The following PACS2 variants were observed in gnomAD, a reference collection of about 807,000 sequenced individuals.
The protein encoded by PACS2 is PACS1-like protein.
In PACS2, 36 loss-of-function variants were observed where a neutral mutation model predicts 113.0. The observed-to-expected ratio is 0.32, with a 90% CI of 0.24 to 0.42. PACS2 has a LOEUF of 0.42. Among genes scored for constraint, PACS2 ranks in the 10% least tolerant of loss-of-function variants. The probability of loss-of-function intolerance (pLI) is 1.00; values close to 1 mark genes in which losing one functional copy is unlikely to be tolerated. For synonymous variants in PACS2, 589 were observed against 536.1 expected (o/e 1.10, Z -1.36); for missense variants, 1,015 against 1,239.5 (o/e 0.82, Z 2.72).
chr14:105,354,391 C>T lies in PACS2; in HGVS notation c.298-661C>T, dbSNP rs750770266. On this transcript the variant is annotated intron_variant, in intron 3 of 24. Coordinates refer to ENST00000447393, the MANE Select transcript of PACS2 (RefSeq NM_001100913.3). This position sits in a 1 kb window ranked among gnomAD's most constrained non-coding sequence, Gnocchi z 4.2. ...TGCCGGGATTACAGGTGTGAGCCAC[C>T]GCGCCTGGCCCAATGCTCCATGGTT... 2.4e-4 allele frequency among the ~76,000 whole-genome samples: 36 copies of T among 152,294 alleles called. No individual in the cohort carries two copies. Among genetic ancestry groups the T allele is most frequent in the Non-Finnish European group, 4.6e-4 (31 of 68,030 alleles).
In PACS2 at chr14:105,376,939, G is replaced by T; in HGVS notation, c.959+14G>T. The T allele has an allele frequency of 6.3e-7, 1 of 1,584,342 alleles. No individual in the cohort carries two copies. The highest frequency in any genetic ancestry group is 8.6e-7 in the Non-Finnish European group (1 of 1,163,630). On this transcript the variant is annotated intron_variant, in intron 9 of 24. Coordinates refer to ENST00000447393, the MANE Select transcript of PACS2 (RefSeq NM_001100913.3). This position sits in a 1 kb window ranked among gnomAD's most constrained non-coding sequence, Gnocchi z 4.7. ...GCCGAAGCTGCGGTGAGCCCTACAG[G>T]GCGGGGCGGGGAGGAACAGCCATTT... is the stretch of plus-strand genomic sequence containing the variant.
At position 105,369,804 on chromosome 14, in the gene PACS2, T is replaced by C. The variant is rs10141334; in HGVS notation, c.742-37T>C. 0.026 allele frequency: 40,124 copies of C among 1,525,180 alleles called. 8,379 individuals are homozygous for C. In the African/African-American group the frequency reaches 0.47, roughly 18 times the overall value. The allele number at this position is 1,525,180 out of a possible 1,614,324, so 94.5% of individuals were successfully genotyped here. Reference sequence around the variant, plus strand: ...GGCTCCAGCGGCGGGTCTGCAGCTCTGGCGGCGGCTCTGACTCTGCACCGC... The same window carrying C: ...GGCTCCAGCGGCGGGTCTGCAGCTCCGGCGGCGGCTCTGACTCTGCACCGC... On this transcript the variant is annotated intron_variant, in intron 7 of 24. Transcript: ENST00000447393.
chr14:105,314,943 C>G lies in PACS2; in HGVS notation c.25C>G (p.Leu9Val). MAERGRLG[L>V]PGAPGALNTP... ...CATGGCCGAGCGAGGCCGCCTCGGC[C>G]TCCCCGGCGCGCCCGGCGCGCTCAA... The change falls in exon 1 of 25, where the codon CTC (leucine) becomes GTC (valine). Residue 9 changes from leucine (L) to valine (V), a missense_variant. By Grantham distance (32) the Leu-to-Val change is conservative. Transcript: ENST00000447393. 8.6e-7 allele frequency: 1 copy of G among 1,160,626 alleles called. No homozygotes were observed. The highest frequency in any genetic ancestry group is 1.1e-6 in the Non-Finnish European group (1 of 925,192). 71.9% of individuals were successfully genotyped at this position (1,160,626 alleles called of 1,614,324 possible).
chr14:105,370,299 C>T, intron 8 of PACS2: 1 of 117,536 alleles, frequency 8.5e-6, no homozygotes, highest in South Asian at 3.2e-4. Context: ...TGACATGGGC[C>T]CCCCCTCCCC....
intron 1 of PACS2, among the ~76,000 whole-genome samples, chr14:105,334,435 G>A (rs115554568): frequency 0.037 from 5,608 of 152,330 alleles, 383 homozygotes; most frequent in African/African-American, 0.13. Flanking sequence ...CTCTGTCTGT[G>A]TAGAGCTCCA....
At position 105,394,707 on chromosome 14, in the gene PACS2, G is replaced by C; in HGVS notation, c.*35G>C. 1 of 1,255,608 alleles carries C rather than the reference G, an allele frequency of 8.0e-7. No individual in the cohort carries two copies. The highest frequency in any genetic ancestry group is 1.5e-5 in the African/African-American group (1 of 68,198). 77.8% of individuals were successfully genotyped at this position (1,255,608 alleles called of 1,614,324 possible). On this transcript the variant is annotated 3_prime_UTR_variant, in exon 25 of 25. Coordinates refer to ENST00000447393, the MANE Select transcript of PACS2 (RefSeq NM_001100913.3). ...CCAGGGGGCCCACCTCCTGCCCCAT[G>C]CTGTGAGGGGCCCAGCTGCATTTCT...
Position 105,356,687 on chromosome 14 carries a change from GCCGGTCCCTGTGTTTC to G in PACS2, c.423+1513_423+1528del, listed in dbSNP as rs2060461576. ...TGCAGGCGAGGTCCTGCTGATCCCT[GCCGGTCCCTGTGTTTC>G]CCATTAGCCATGCAGGCGAGGTCCT... On this transcript the variant is annotated intron_variant, in intron 4 of 24. Coordinates refer to ENST00000447393, the MANE Select transcript of PACS2 (RefSeq NM_001100913.3). This position sits in a 1 kb window ranked among gnomAD's most constrained non-coding sequence, Gnocchi z 4.0. Among the ~76,000 whole-genome samples, 3 of 151,834 alleles carry G rather than the reference GCCGGTCCCTGTGTTTC, an allele frequency of 2.0e-5. No individual in the cohort carries two copies. Among genetic ancestry groups the G allele is most frequent in the African/African-American group, 7.3e-5 (3 of 41,308 alleles).
chr14:105,364,941 A>G (rs1595710215), intron 4 of PACS2, among the ~76,000 whole-genome samples: 2 of 151,810 alleles, frequency 1.3e-5, no homozygotes, highest in African/African-American at 4.8e-5. Flanking sequence ...CAAGCCATCC[A>G]CCTGCCTCAA....
In PACS2 at chr14:105,361,569, G is replaced by A. The variant is rs587750472; in HGVS notation, c.424-5644G>A. Among the ~76,000 whole-genome samples the A allele has an allele frequency of 4.6e-5, 7 of 152,368 alleles. No homozygotes were observed. The East Asian group carries it at 9.7e-4, about 21-fold the overall frequency. ...GAAGAATCGGTTGAACCTGGGAGGC[G>A]GAGGTTGCAGTGAGCTGAGATTGCA... On this transcript the variant is annotated intron_variant, in intron 4 of 24. Transcript: ENST00000447393.
chr14:105,386,771 G>A (rs1480518040), intron 19 of PACS2, among the ~76,000 whole-genome samples: 3 of 152,146 alleles, frequency 2.0e-5, no homozygotes, highest in Non-Finnish European at 4.4e-5. Flanking sequence ...AGGGCTGGGC[G>A]CTGGGAAGAC....
upstream of PACS2, chr14:105,314,332 G>C (rs1484675931): frequency 3.3e-5 from 5 of 152,040 alleles, no homozygotes; most frequent in Non-Finnish European, 7.3e-5. Flanking sequence ...CGAGGCCGGG[G>C]AATCCGCGCG....
At chr14:105,301,636 C>G (rs1595506517) in intron 1 of PACS2, among the ~76,000 whole-genome samples, 1 of 152,270 alleles carries the variant, frequency 6.6e-6, no homozygotes, top group African/African-American at 2.4e-5. Flanking sequence ...TCCAGAGCCT[C>G]CCCGTGCGCC....
chr14:105,363,779 TGAC>T (rs1555407234), intron 4 of PACS2, among the ~76,000 whole-genome samples: 4 of 152,188 alleles, frequency 2.6e-5, no homozygotes, highest in Non-Finnish European at 5.9e-5. Context: ...GTCTCGGCTC[TGAC>T]GTGCCTTCTT....
rs1382605696 is a variant in PACS2 at position 105,368,370 on chromosome 14, C to T, written c.661-89C>T. The T allele has an allele frequency of 3.9e-6, 4 of 1,037,942 alleles. No homozygotes were observed. The East Asian group carries it at 7.1e-5, about 19-fold the overall frequency. The allele number at this position is 1,037,942 out of a possible 1,614,324, so 64.3% of individuals were successfully genotyped here. On this transcript the variant is annotated intron_variant, in intron 6 of 24. Coordinates refer to ENST00000447393, the MANE Select transcript of PACS2 (RefSeq NM_001100913.3). ...ACACAGGTGGGCTCTCAGTGCCGGGCCTCTCCCATCGCCCACGCTGAGGCT... is the reference window on the plus strand; with the variant it reads ...ACACAGGTGGGCTCTCAGTGCCGGGTCTCTCCCATCGCCCACGCTGAGGCT...
intron 19 of PACS2, among the ~76,000 whole-genome samples, chr14:105,388,394 G>A (rs2081249929): frequency 6.6e-6 from 1 of 152,258 alleles, no homozygotes; most frequent in Non-Finnish European, 1.5e-5. Flanking sequence ...GGCACACTTT[G>A]TGGGGAGCAC....
intron 19 of PACS2, among the ~76,000 whole-genome samples, chr14:105,386,314 A>T (rs1353047803): frequency 6.6e-6 from 1 of 152,150 alleles, no homozygotes; most frequent in Non-Finnish European, 1.5e-5. Flanking sequence ...TGGGCCCCCT[A>T]CACACTGCAG....
At chr14:105,331,607 A>G (rs2059305214) in intron 1 of PACS2, among the ~76,000 whole-genome samples, 1 of 152,226 alleles carries the variant, frequency 6.6e-6, no homozygotes, top group African/African-American at 2.4e-5. Context: ...TACCCACTCC[A>G]GGAAATCACT....
At chr14:105,390,293 C>T (rs1312793716) in intron 20 of PACS2, 5 of 476,030 alleles carry the variant, frequency 1.1e-5, no homozygotes, top group Non-Finnish European at 1.9e-5. Flanking sequence ...GGCTTGGCCC[C>T]ACGTCTCAGG....
chr14:105,342,442 A>AT (rs1566920298), intron 1 of PACS2, among the ~76,000 whole-genome samples: 3 of 151,518 alleles, frequency 2.0e-5, no homozygotes, highest in Admixed American at 6.6e-5. Context: ...TAATTTTTGT[A>AT]TTTTTTTGTA....
Sources: gnomAD v4.1 joint callset for allele counts (sites outside exome capture counted in the v4.1 genomes callset) on GRCh38, gnomAD v4.1.1 for gene constraint, Gnocchi (gnomAD v3.1) non-coding constraint, MANE v1.5 for transcripts, NCBI Gene and HGNC (gene_info 2026-07-23, HGNC 2026-07-21) for gene names.